The following SYNE1 variants were observed in gnomAD, a reference collection of about 807,000 sequenced individuals.
The protein encoded by SYNE1 is spectrin repeat containing nuclear envelope protein 1.
In SYNE1, 616 loss-of-function variants were observed where a neutral mutation model predicts 1,111.0. The ratio of observed to expected loss-of-function variants is 0.55; its 90% CI spans 0.52 to 0.59. SYNE1 has a LOEUF of 0.59. Among genes scored for constraint, SYNE1 ranks in the 20% least tolerant of loss-of-function variants. The pLI, the probability that SYNE1 is intolerant of heterozygous loss-of-function variation, is 0.00. For missense variants in SYNE1, 10,006 were observed against 10,417.0 expected (o/e 0.96, Z 1.72); for synonymous variants, 3,855 against 3,825.8 (o/e 1.01, Z -0.28).
At chr6:152,152,247 A>G (rs2060560367) in intron 133 of SYNE1, 106 bp from the exon 134 acceptor site, 1 of 981,786 alleles carries the variant, frequency 1.0e-6, no homozygotes, top group African/African-American at 1.6e-5. Flanking sequence ...AAGTTACACT[A>G]TCACAGAGGG....
At chr6:152,317,356 G>A (rs1245227486) in intron 86 of SYNE1, among the ~76,000 whole-genome samples, 1 of 151,758 alleles carries the variant, frequency 6.6e-6, no homozygotes, top group Non-Finnish European at 1.5e-5. Flanking sequence ...ACGTAGCTGG[G>A]ACCACAGGCA....
At chr6:152,275,672 G>A (rs188148227) in intron 98 of SYNE1, among the ~76,000 whole-genome samples, 15 of 152,090 alleles carry the variant, frequency 9.9e-5, no homozygotes, top group Admixed American at 9.2e-4. Context: ...CTGTGCTCAG[G>A]AGTTGAAGAC....
chr6:152,311,002 C>T (rs967011709), intron 87 of SYNE1, 129 bp from the exon 88 acceptor site: 12 of 908,112 alleles, frequency 1.3e-5, no homozygotes, highest in Non-Finnish European at 2.1e-5. Flanking sequence ...CTTCACCCCC[C>T]ATGACCACTT....
chr6:152,508,251 C>T (rs1036036944), intron 8 of SYNE1, among the ~76,000 whole-genome samples: 2 of 152,138 alleles, frequency 1.3e-5, no homozygotes, highest in African/African-American at 2.4e-5. Flanking sequence ...AAAGTCATCG[C>T]CCCAAACCTC....
intron 27 of SYNE1, 28 bp downstream of exon 27, chr6:152,450,597 C>A (rs1166774161): frequency 5.1e-6 from 8 of 1,579,906 alleles, no homozygotes; most frequent in Non-Finnish European, 7.0e-6. Flanking sequence ...TTGACTACAC[C>A]CCTCTCTGGA....
At chr6:152,550,410 T>C (rs879760365) in intron 3 of SYNE1, among the ~76,000 whole-genome samples, 2 of 152,082 alleles carry the variant, frequency 1.3e-5, no homozygotes, top group African/African-American at 2.4e-5. Context: ...AATATTACAA[T>C]TTACCAAATT....
chr6:152,452,566 C>T, intron 25 of SYNE1, among the ~76,000 whole-genome samples: 1 of 152,262 alleles, frequency 6.6e-6, no homozygotes, highest in East Asian at 1.9e-4. Context: ...GTGAGACAAC[C>T]TGATGGAGAG....
intron 78 of SYNE1, among the ~76,000 whole-genome samples, chr6:152,328,661 C>T (rs568100652): frequency 6.6e-6 from 1 of 151,996 alleles, no homozygotes; most frequent in Admixed American, 6.6e-5. Context: ...ATCCACCCAC[C>T]TCACCCTCCC....
At chr6:152,470,344 G>A (rs1288857004) in intron 16 of SYNE1, among the ~76,000 whole-genome samples, 1 of 152,084 alleles carries the variant, frequency 6.6e-6, no homozygotes. Context: ...AATAACTACT[G>A]GGCTGAGAGG....
intron 76 of SYNE1, chr6:152,336,484 A>G (rs533053212): frequency 8.5e-5 from 26 of 304,704 alleles, no homozygotes; most frequent in African/African-American, 5.2e-4. Flanking sequence ...TTCCACCTCA[A>G]ATCATCAGAT....
intron 4 of SYNE1, among the ~76,000 whole-genome samples, chr6:152,529,089 A>G (rs1032704640): frequency 1.3e-5 from 2 of 152,150 alleles, no homozygotes; most frequent in African/African-American, 4.8e-5. Flanking sequence ...AGTCCACAGA[A>G]TAGCACTCAG....
intron 93 of SYNE1, among the ~76,000 whole-genome samples, chr6:152,295,541 C>A (rs2094829050): frequency 6.6e-6 from 1 of 152,052 alleles, no homozygotes; most frequent in Non-Finnish European, 1.5e-5. Context: ...GCTCTTTTAA[C>A]CTTTACTTCA....
At chr6:152,129,468 C>T (rs1010613877) in intron 145 of SYNE1, 1 of 152,104 alleles carries the variant, frequency 6.6e-6, no homozygotes, top group Admixed American at 6.6e-5. Flanking sequence ...GCTGAGCAAA[C>T]CTTAGAGCAT....
At chr6:152,200,064 T>A (rs1005860170) in intron 127 of SYNE1, among the ~76,000 whole-genome samples, 3 of 152,046 alleles carry the variant, frequency 2.0e-5, no homozygotes, top group Admixed American at 1.3e-4. Flanking sequence ...TTCACACCGA[T>A]TTCTACCCCC....
rs2098156743 is a variant in SYNE1, at chr6:152,416,453, T to C, written c.5984A>G (p.Glu1995Gly). 4 of 1,614,066 alleles carry C rather than the reference T, an allele frequency of 2.5e-6. No individual in the cohort carries two copies. The highest frequency in any genetic ancestry group is 3.4e-6 in the Non-Finnish European group (4 of 1,180,038). Reference protein sequence around the residue: ...DQKEELLKSIEDIEERTDKER... With the variant: ...DQKEELLKSIGDIEERTDKER... The stretch of plus-strand genomic sequence containing the variant: ...TTTGTCAGTCCTTTCTTCAATGTCC[T>C]CAATGCTTTTCAGAAGCTCCTCTTT... The change falls in exon 41 of 146, where the codon GAG (glutamate) becomes GGG (glycine). Residue 1995 changes from glutamate to glycine, a missense_variant. Glu to Gly is a moderately conservative substitution (Grantham distance 98). This residue lies in a region of SYNE1 where 4,955 missense variants were observed against 5,017.2 expected (regional missense o/e 0.99). Transcript: ENST00000367255.
intron 139 of SYNE1, among the ~76,000 whole-genome samples, chr6:152,140,453 A>G (rs1423378595): frequency 6.6e-6 from 1 of 152,240 alleles, no homozygotes. Context: ...CGATCGTTCA[A>G]TTCTTGGATC....
intron 3 of SYNE1, among the ~76,000 whole-genome samples, chr6:152,584,684 T>C (rs959647713): frequency 6.6e-6 from 1 of 152,232 alleles, no homozygotes; most frequent in Non-Finnish European, 1.5e-5. Flanking sequence ...GTTACAGGCA[T>C]GAGCCACTGC....
At chr6:152,282,135 C>A in intron 96 of SYNE1, 155 bp from the exon 97 acceptor site, 1 of 729,638 alleles carries the variant, frequency 1.4e-6, no homozygotes, top group South Asian at 1.6e-5. Context: ...CCCAGAACAA[C>A]AATCAGAATT....
chr6:152,519,920 G>A (rs928505126), intron 6 of SYNE1, among the ~76,000 whole-genome samples: 3 of 151,962 alleles, frequency 2.0e-5, no homozygotes, highest in African/African-American at 7.3e-5. Flanking sequence ...CACTTTCTTG[G>A]GACTTTTTCC....
Sources: gnomAD v4.1 joint callset for allele counts (sites outside exome capture counted in the v4.1 genomes callset) on GRCh38, gnomAD v4.1.1 for gene constraint, gnomAD v4.1.1 regional missense constraint, MANE v1.5 for transcripts, NCBI Gene and HGNC (gene_info 2026-07-23, HGNC 2026-07-21) for gene names.